Variants in CERS6 observed in about 807,000 individuals in gnomAD.
CERS6 encodes ceramide synthase 6.
A neutral mutation model predicts 56.8 loss-of-function variants in CERS6; 26 were observed. That is an observed-to-expected ratio of 0.46 (90% CI 0.34 to 0.63). The LOEUF is 0.63. Among genes scored for constraint, CERS6 ranks in the 30% least tolerant of loss-of-function variants. The pLI is 0.01. For synonymous variants in CERS6, 164 were observed against 173.3 expected (o/e 0.95, Z 0.42); for missense variants, 415 against 467.5 (o/e 0.89, Z 1.04).
At chr2:168,623,862 G>A (rs1022250057) in intron 3 of CERS6, among the ~76,000 whole-genome samples, 1 of 152,152 alleles carries the variant, frequency 6.6e-6, no homozygotes, top group African/African-American at 2.4e-5. Context: ...TGGAGACCTG[G>A]TGTGAAAAAC....
At chr2:168,672,169 A>C (rs541661138) in intron 4 of CERS6, among the ~76,000 whole-genome samples, 1 of 152,300 alleles carries the variant, frequency 6.6e-6, no homozygotes, top group East Asian at 1.9e-4. Context: ...GGAAGTATAG[A>C]TTGAAGTTAT....
At chr2:168,544,936 C>T (rs954209052) in intron 1 of CERS6, among the ~76,000 whole-genome samples, 1 of 151,874 alleles carries the variant, frequency 6.6e-6, no homozygotes, top group Non-Finnish European at 1.5e-5. Context: ...AACTTGAATA[C>T]ACATGGCTTG....
chr2:168,734,273 A>G (rs375524558), intron 8 of CERS6, among the ~76,000 whole-genome samples: 12 of 152,276 alleles, frequency 7.9e-5, no homozygotes, highest in Admixed American at 3.9e-4. Flanking sequence ...TAAGCTGACC[A>G]TCAGTTATTG....
intron 3 of CERS6, among the ~76,000 whole-genome samples, chr2:168,580,570 G>A (rs568291360): frequency 3.1e-4 from 47 of 152,192 alleles, no homozygotes; most frequent in African/African-American, 1.1e-3. Flanking sequence ...AAACAACAGA[G>A]ACAATTTTTT....
At chr2:168,483,359 A>C (rs1022034948) in intron 1 of CERS6, among the ~76,000 whole-genome samples, 7 of 150,918 alleles carry the variant, frequency 4.6e-5, no homozygotes, top group African/African-American at 1.7e-4. Context: ...TTATTGGTTG[A>C]CTCATCTTGG....
intron 3 of CERS6, among the ~76,000 whole-genome samples, chr2:168,592,256 A>G (rs1328938086): frequency 1.3e-5 from 2 of 152,142 alleles, no homozygotes; most frequent in Non-Finnish European, 1.5e-5. Flanking sequence ...AGTGGACTGA[A>G]TTTTGAGTAG....
intron 8 of CERS6, among the ~76,000 whole-genome samples, chr2:168,720,275 T>G (rs575065917): frequency 1.3e-5 from 2 of 152,310 alleles, no homozygotes; most frequent in African/African-American, 4.8e-5. Context: ...TAAAATGTTT[T>G]GAGTATTTAC....
chr2:168,554,481 A>G (rs934607651), intron 2 of CERS6, among the ~76,000 whole-genome samples: 8 of 152,190 alleles, frequency 5.3e-5, no homozygotes, highest in African/African-American at 1.2e-4. Flanking sequence ...AAACGGGACA[A>G]TTGGACACAG....
intron 8 of CERS6, among the ~76,000 whole-genome samples, chr2:168,726,428 G>T (rs1474951922): frequency 6.6e-6 from 1 of 152,108 alleles, no homozygotes; most frequent in Admixed American, 6.5e-5. Flanking sequence ...TGCCTCTGTC[G>T]TTCTGCCCCA....
chr2:168,755,276 A>G (rs1198345333), intron 8 of CERS6, among the ~76,000 whole-genome samples: 1 of 152,248 alleles, frequency 6.6e-6, no homozygotes, highest in African/African-American at 2.4e-5. Context: ...TCTAATAAAC[A>G]TGAAGTCTTT....
chr2:168,558,484 A>G (rs1248734311), intron 2 of CERS6, among the ~76,000 whole-genome samples: 3 of 152,256 alleles, frequency 2.0e-5, no homozygotes, highest in African/African-American at 7.2e-5. Flanking sequence ...CAAAGCCCGG[A>G]CAAATGTCTG....
chr2:168,615,438 G>A (rs1684292272), intron 3 of CERS6, among the ~76,000 whole-genome samples: 1 of 151,844 alleles, frequency 6.6e-6, no homozygotes, highest in Non-Finnish European at 1.5e-5. Flanking sequence ...CCAGAGAAAG[G>A]TGAAGTCCAA....
chr2:168,663,354 G>A (rs1169195416), intron 4 of CERS6, among the ~76,000 whole-genome samples: 1 of 151,992 alleles, frequency 6.6e-6, no homozygotes. Context: ...AAAATATAAA[G>A]GCAGTCAAGC....
At chr2:168,524,682 C>T (rs1172415891) in intron 1 of CERS6, among the ~76,000 whole-genome samples, 2 of 152,088 alleles carry the variant, frequency 1.3e-5, no homozygotes, top group Non-Finnish European at 2.9e-5. Flanking sequence ...TAGCTCTGAT[C>T]GTTGGTATTT....
intron 8 of CERS6, among the ~76,000 whole-genome samples, chr2:168,723,628 T>G (rs1488685522): frequency 6.6e-6 from 1 of 152,206 alleles, no homozygotes; most frequent in Non-Finnish European, 1.5e-5. Flanking sequence ...AATACCTTGT[T>G]ATTTTGAATC....
intron 3 of CERS6, among the ~76,000 whole-genome samples, chr2:168,598,735 C>A (rs1159247957): frequency 6.6e-6 from 1 of 152,162 alleles, no homozygotes; most frequent in African/African-American, 2.4e-5. Flanking sequence ...ATAGAGCTAT[C>A]CCTTAATCTT....
chr2:168,550,867 T>C (rs972459094), intron 2 of CERS6, among the ~76,000 whole-genome samples: 22 of 152,276 alleles, frequency 1.4e-4, no homozygotes, highest in African/African-American at 5.1e-4. Context: ...GTGTTTGCAC[T>C]CGGCCCTCCA....
chr2:168,554,071 G>C (rs1558995439), intron 2 of CERS6, among the ~76,000 whole-genome samples: 3 of 152,074 alleles, frequency 2.0e-5, no homozygotes, highest in East Asian at 3.9e-4. Flanking sequence ...AGGAAATAAG[G>C]CTACTTTAAA....
intron 4 of CERS6, among the ~76,000 whole-genome samples, chr2:168,637,682 G>C (rs1684894909): frequency 6.6e-6 from 1 of 152,052 alleles, no homozygotes; most frequent in Non-Finnish European, 1.5e-5. Context: ...TTATCAAAGT[G>C]ACAAAATGAC....
Sources: allele counts gnomAD v4.1 joint callset (sites outside exome capture counted in the v4.1 genomes callset), GRCh38; gene constraint gnomAD v4.1.1; transcripts MANE v1.5; gene names NCBI Gene and HGNC (gene_info 2026-07-23, HGNC 2026-07-21).